Variants in GABBR2 observed in about 807,000 individuals in gnomAD.
GABBR2 encodes the protein G-protein coupled receptor 51.
In GABBR2, 23 loss-of-function variants were observed where a neutral mutation model predicts 105.6. The ratio of observed to expected loss-of-function variants is 0.22; its 90% CI spans 0.16 to 0.31. The LOEUF (loss-of-function observed/expected upper bound fraction) is 0.31. Among genes scored for constraint, GABBR2 ranks in the 10% least tolerant of loss-of-function variants. GABBR2 has a pLI of 1.00. For synonymous variants in GABBR2, 478 were observed against 499.7 expected (o/e 0.96, Z 0.58); for missense variants, 734 against 1,245.5 (o/e 0.59, Z 6.18).
chr9:98,577,127 C>CATGG (rs754291458), intron 2 of GABBR2, among the ~76,000 whole-genome samples: 184 of 10,982 alleles, frequency 0.017, no homozygotes, highest in African/African-American at 0.052. Context: ...TGGGTGGATG[C>CATGG]ATGGATGGAT....
intron 2 of GABBR2, among the ~76,000 whole-genome samples, chr9:98,558,239 T>C (rs1828616320): frequency 6.6e-6 from 1 of 152,226 alleles, no homozygotes. Flanking sequence ...TTTGTGTATC[T>C]GAAATTCAAA....
intron 1 of GABBR2, among the ~76,000 whole-genome samples, chr9:98,677,596 T>C (rs1418925153): frequency 6.6e-6 from 1 of 152,180 alleles, no homozygotes; most frequent in Non-Finnish European, 1.5e-5. Context: ...GGCCCTTAGA[T>C]AAGTCAAATC....
chr9:98,381,371 C>G (rs941665021), intron 11 of GABBR2, among the ~76,000 whole-genome samples: 6 of 152,210 alleles, frequency 3.9e-5, no homozygotes, highest in African/African-American at 1.4e-4. Context: ...GCTCCCCACT[C>G]GGTGGGAGTT....
At chr9:98,395,553 G>A (rs558705139) in intron 8 of GABBR2, among the ~76,000 whole-genome samples, 1 of 152,026 alleles carries the variant, frequency 6.6e-6, no homozygotes, top group Non-Finnish European at 1.5e-5. Flanking sequence ...TGACCCCTGG[G>A]GTGGGCAGAG....
In GABBR2 at chr9:98,338,823, T is replaced by G. The variant is rs566931819; in HGVS notation, c.1893+23892A>C. Among the ~76,000 whole-genome samples the G allele has an allele frequency of 1.5e-4, 23 of 152,294 alleles. 1 individual carries two copies. The South Asian group carries it at 4.8e-3, about 32-fold the overall frequency. ...TAAAAGCATATGTTCACACAAAAAT[T>G]TGTGCATGAATGCTCACATTAGCAT... On this transcript the variant is annotated intron_variant, in intron 13 of 18. Coordinates refer to ENST00000259455, the MANE Select transcript of GABBR2 (RefSeq NM_005458.8).
intron 2 of GABBR2, among the ~76,000 whole-genome samples, chr9:98,577,228 A>ATGGATGGATGGATGGATGGTTAG (rs769775744): frequency 1.7e-4 from 26 of 151,148 alleles, no homozygotes; most frequent in East Asian, 7.8e-4. Context: ...GGATGGATGG[A>ATGGATGGATGGATGGATGGTTAG]GCAAAAAAGT....
intron 7 of GABBR2, among the ~76,000 whole-genome samples, chr9:98,417,372 G>A: frequency 6.6e-6 from 1 of 152,230 alleles, no homozygotes; most frequent in East Asian, 1.9e-4. Flanking sequence ...GTGATCACAG[G>A]TTGGGAGATC....
At chr9:98,367,694 G>C (rs1216589951) in intron 12 of GABBR2, among the ~76,000 whole-genome samples, 1 of 152,134 alleles carries the variant, frequency 6.6e-6, no homozygotes, top group African/African-American at 2.4e-5. Context: ...GTTACTCTGG[G>C]TTTTCTAGTG....
At chr9:98,409,597 T>C (rs763823469) in intron 7 of GABBR2, among the ~76,000 whole-genome samples, 4 of 152,200 alleles carry the variant, frequency 2.6e-5, no homozygotes, top group Non-Finnish European at 4.4e-5. Flanking sequence ...GGCTAGCATC[T>C]GGCTCCTGTT....
intron 1 of GABBR2, among the ~76,000 whole-genome samples, chr9:98,581,763 T>G (rs1261477058): frequency 6.6e-6 from 1 of 152,230 alleles, no homozygotes; most frequent in African/African-American, 2.4e-5. Context: ...TTTTCTAATC[T>G]GTAGCTAATG....
At chr9:98,429,306 A>G (rs1825758149) in intron 7 of GABBR2, among the ~76,000 whole-genome samples, 1 of 151,784 alleles carries the variant, frequency 6.6e-6, no homozygotes, top group African/African-American at 2.4e-5. Flanking sequence ...TGCCCAGCCA[A>G]TTGTTGTATT....
intron 16 of GABBR2, 146 bp from the exon 17 acceptor site, chr9:98,299,499 G>A (rs1830435290): frequency 6.2e-6 from 5 of 808,748 alleles, no homozygotes; most frequent in Middle Eastern, 3.7e-4. Context: ...GCATTTTGGT[G>A]AGGAGATGCA....
intron 12 of GABBR2, among the ~76,000 whole-genome samples, chr9:98,364,424 C>T (rs1831640950): frequency 6.6e-6 from 1 of 152,160 alleles, no homozygotes; most frequent in African/African-American, 2.4e-5. Context: ...TGCTGGCATA[C>T]TCCTACCCTG....
intron 11 of GABBR2, among the ~76,000 whole-genome samples, chr9:98,377,281 G>A (rs1350938923): frequency 2.0e-5 from 3 of 152,254 alleles, no homozygotes; most frequent in African/African-American, 7.2e-5. Context: ...ACAGCTCTGT[G>A]GACAGAAGAC....
intron 1 of GABBR2, among the ~76,000 whole-genome samples, chr9:98,706,293 C>A (rs1162523210): frequency 6.6e-6 from 1 of 152,036 alleles, no homozygotes; most frequent in East Asian, 1.9e-4. Flanking sequence ...CCCACCTAGG[C>A]TTAGAGAGAT....
intron 5 of GABBR2, among the ~76,000 whole-genome samples, chr9:98,475,002 T>G (rs546632536): frequency 3.7e-4 from 57 of 152,240 alleles, no homozygotes; most frequent in Middle Eastern, 3.4e-3. Flanking sequence ...CTCTGTGGTC[T>G]CCATCCATTG....
At chr9:98,534,714 C>T (rs965622570) in intron 3 of GABBR2, among the ~76,000 whole-genome samples, 7 of 152,222 alleles carry the variant, frequency 4.6e-5, no homozygotes, top group East Asian at 1.9e-4. Context: ...AACTCCAGAA[C>T]GCTGACAATA....
At chr9:98,363,033 C>A (rs1195551028) in intron 12 of GABBR2, among the ~76,000 whole-genome samples, 196 bp from the exon 13 acceptor site, 2 of 152,150 alleles carry the variant, frequency 1.3e-5, no homozygotes, top group East Asian at 1.9e-4. Context: ...CAAGCTTGAC[C>A]TTATCACTCC....
chr9:98,675,350 C>T (rs1298777149), intron 1 of GABBR2, among the ~76,000 whole-genome samples: 1 of 151,984 alleles, frequency 6.6e-6, no homozygotes, highest in Admixed American at 6.6e-5. Flanking sequence ...GCCCTAACCA[C>T]AGTGACAAGT....
Sources: allele counts gnomAD v4.1 joint callset (sites outside exome capture counted in the v4.1 genomes callset), GRCh38; gene constraint gnomAD v4.1.1; transcripts MANE v1.5; gene names NCBI Gene and HGNC (gene_info 2026-07-23, HGNC 2026-07-21).